Variants in KMT2C observed in about 807,000 individuals in gnomAD.
KMT2C encodes lysine methyltransferase 2C.
In KMT2C, 88 loss-of-function variants were observed where a neutral mutation model predicts 507.9. The observed-to-expected ratio is 0.17, with a 90% CI of 0.15 to 0.21. The LOEUF (loss-of-function observed/expected upper bound fraction) is 0.21. Ranked by LOEUF, KMT2C falls within the 10% of genes least tolerant of loss-of-function variation. KMT2C has a pLI of 1.00. For synonymous variants in KMT2C, 2,049 were observed against 2,080.8 expected (o/e 0.98, Z 0.42); for missense variants, 4,954 against 5,957.8 (o/e 0.83, Z 5.55).
chr7:152,237,197 T>C (rs1732358433), intron 15 of KMT2C, among the ~76,000 whole-genome samples: 1 of 152,234 alleles, frequency 6.6e-6, no homozygotes, highest in East Asian at 1.9e-4. Flanking sequence ...AAATAATATG[T>C]CATATCTTCA....
At position 152,250,833 on chromosome 7, in the gene KMT2C, T is replaced by C. The variant is rs1053590066; in HGVS notation, c.1735+20A>G. On this transcript the variant is annotated intron_variant, in intron 12 of 58. Transcript: ENST00000262189. ...ACACATTTTCTTCAAAAACAGAGTA[T>C]ATCCATTAAACATTCTTACCATCTG... 8 of 1,245,334 alleles carry C rather than the reference T, an allele frequency of 6.4e-6. No homozygotes were observed. Among genetic ancestry groups the C allele is most frequent in the African/African-American group, 1.5e-5 (1 of 67,558 alleles). The allele number at this position is 1,245,334 out of a possible 1,614,324, so 77.1% of individuals were successfully genotyped here. A position where few individuals can be genotyped will look rare whatever the true frequency, so the allele number is the denominator to read the frequency against.
intron 23 of KMT2C, among the ~76,000 whole-genome samples, chr7:152,210,686 A>C (rs1588234422): frequency 6.6e-6 from 1 of 152,312 alleles, no homozygotes; most frequent in East Asian, 1.9e-4. Flanking sequence ...ACCTGAGAAC[A>C]TAAAAGACAA....
chr7:152,275,345 C>T (rs1366167715), intron 6 of KMT2C, among the ~76,000 whole-genome samples: 3 of 152,160 alleles, frequency 2.0e-5, no homozygotes, highest in African/African-American at 7.2e-5. Context: ...GAGATCGAGA[C>T]CATCCTGGCT....
chr7:152,247,132 ATTTG>A (rs1461745488), intron 14 of KMT2C, among the ~76,000 whole-genome samples: 1 of 152,136 alleles, frequency 6.6e-6, no homozygotes, highest in Non-Finnish European at 1.5e-5. Flanking sequence ...CTTCTCCACT[ATTTG>A]TTATCTTGCA....
At chr7:152,390,731 C>T (rs4025737) in intron 1 of KMT2C, among the ~76,000 whole-genome samples, 2 of 151,956 alleles carry the variant, frequency 1.3e-5, no homozygotes, top group Admixed American at 6.6e-5. Flanking sequence ...AATCCCATGC[C>T]GTTTGATATT....
chr7:152,362,453 G>A (rs950040846), intron 1 of KMT2C, among the ~76,000 whole-genome samples: 1 of 152,118 alleles, frequency 6.6e-6, no homozygotes, highest in African/African-American at 2.4e-5. Flanking sequence ...TGGGGACTGG[G>A]AGACTAGAAA....
At chr7:152,172,084 ATTAC>A (rs1390329687) in intron 39 of KMT2C, among the ~76,000 whole-genome samples, 2 of 152,226 alleles carry the variant, frequency 1.3e-5, no homozygotes, top group Non-Finnish European at 2.9e-5. Flanking sequence ...AAAGCTGTAT[ATTAC>A]TATTTAAGTA....
chr7:152,255,109 T>TATATATATACA (rs1588626891), intron 9 of KMT2C, among the ~76,000 whole-genome samples: 1 of 78,344 alleles, frequency 1.3e-5, no homozygotes, highest in African/African-American at 4.3e-5. Flanking sequence ...CAACTCTCAC[T>TATATATATACA]TATATATATA....
At chr7:152,254,959 T>C (rs2095620833) in intron 9 of KMT2C, among the ~76,000 whole-genome samples, 1 of 151,370 alleles carries the variant, frequency 6.6e-6, no homozygotes, top group African/African-American at 2.4e-5. Flanking sequence ...AAAATAAATA[T>C]TCAAGAATAA....
rs760517811 is a variant in KMT2C at position 152,249,953 on chromosome 7, G to A, written c.1736C>T (p.Ala579Val). Reference protein sequence around the residue: ...QESTPGIVPDAVQVHTEEQQK... With the variant: ...QESTPGIVPDVVQVHTEEQQK... ...TTGCTCTTCAGTGTGGACTTGAACCGCTGTGAGTAACACATTTATAAAATC... is the reference window on the plus strand; with the variant it reads ...TTGCTCTTCAGTGTGGACTTGAACCACTGTGAGTAACACATTTATAAAATC... The change falls in exon 13 of 59, where the codon GCG becomes GTG. Residue 579 changes from alanine (A) to valine (V), a missense_variant and splice_region_variant. Physicochemically the swap from Ala to Val is moderately conservative, Grantham distance 64. Transcript: ENST00000262189. The A allele has an allele frequency of 1.3e-5, 20 of 1,598,900 alleles. No homozygotes were observed. Among genetic ancestry groups the A allele is most frequent in the Middle Eastern group, 1.7e-4 (1 of 6,052 alleles).
intron 27 of KMT2C, among the ~76,000 whole-genome samples, chr7:152,198,047 G>C (rs538443171): frequency 6.6e-6 from 1 of 152,210 alleles, no homozygotes; most frequent in South Asian, 2.1e-4. Flanking sequence ...AAAGTGGCTA[G>C]TTATGAGAGT....
intron 3 of KMT2C, among the ~76,000 whole-genome samples, chr7:152,327,957 C>CAAAAA (rs371396057): frequency 1.3e-5 from 1 of 78,698 alleles, no homozygotes; most frequent in Non-Finnish European, 2.4e-5. Context: ...GACTCCGCCT[C>CAAAAA]AAAAAAAAAA....
At chr7:152,254,721 A>T (rs2095616887) in intron 9 of KMT2C, among the ~76,000 whole-genome samples, 1 of 152,172 alleles carries the variant, frequency 6.6e-6, no homozygotes, top group Admixed American at 6.5e-5. Flanking sequence ...TCTGGAGCCA[A>T]TGCAAGCATT....
chr7:152,289,307 G>A (rs2096364586), intron 6 of KMT2C, among the ~76,000 whole-genome samples: 1 of 152,170 alleles, frequency 6.6e-6, no homozygotes, highest in Admixed American at 6.5e-5. Context: ...TACAACTACA[G>A]TAAAAATAAT....
In KMT2C at chr7:152,136,816, T is replaced by C. The variant is rs1427850181; in HGVS notation, c.*16A>G. ...CCTAGGGACAAGCCGCCCGCTGAGC[T>C]AGCAAGGAATGCATTTCAGTTCATC... On this transcript the variant is annotated 3_prime_UTR_variant, in exon 59 of 59. Transcript: ENST00000262189. 3 of 1,593,116 alleles carry C rather than the reference T, an allele frequency of 1.9e-6. No individual in the cohort carries two copies. Among genetic ancestry groups the C allele is most frequent in the Non-Finnish European group, 2.6e-6 (3 of 1,161,316 alleles).
At chr7:152,198,645 T>C (rs1260946356) in intron 27 of KMT2C, among the ~76,000 whole-genome samples, 2 of 152,116 alleles carry the variant, frequency 1.3e-5, no homozygotes, top group African/African-American at 2.4e-5. Context: ...TCTCTGATTG[T>C]TAATAGTTCC....
At chr7:152,158,030 A>G (rs1032452852) in intron 44 of KMT2C, 1 of 712,690 alleles carries the variant, frequency 1.4e-6, no homozygotes, top group African/African-American at 1.9e-5. Context: ...CTTCAGAAAA[A>G]TGAGACTTAA....
At chr7:152,258,131 G>A (rs756757593) in intron 9 of KMT2C, among the ~76,000 whole-genome samples, 5 of 152,126 alleles carry the variant, frequency 3.3e-5, no homozygotes, top group Non-Finnish European at 7.4e-5. Context: ...TTTAACAATG[G>A]ACTTATTCCA....
chr7:152,226,355 C>A (rs1342605371), intron 18 of KMT2C, among the ~76,000 whole-genome samples: 1 of 150,994 alleles, frequency 6.6e-6, no homozygotes, highest in East Asian at 2.0e-4. Flanking sequence ...GGCTCAGCCT[C>A]CTGAGTAACT....
Sources: gnomAD v4.1 joint callset for allele counts (sites outside exome capture counted in the v4.1 genomes callset) on GRCh38, gnomAD v4.1.1 for gene constraint, MANE v1.5 for transcripts, NCBI Gene and HGNC (gene_info 2026-07-23, HGNC 2026-07-21) for gene names.